The following TIMELESS variants were observed in gnomAD, a reference collection of about 807,000 sequenced individuals.
TIMELESS encodes the protein timeless circadian regulator, also known as protein timeless homolog.
A neutral mutation model predicts 164.3 loss-of-function variants in TIMELESS; 124 were observed. The observed-to-expected ratio is 0.75, with a 90% CI of 0.65 to 0.88. The LOEUF (loss-of-function observed/expected upper bound fraction) is 0.88, where lower values mean the gene tolerates loss of function less well. Among genes scored for constraint, TIMELESS ranks in the 40% least tolerant of loss-of-function variants. The pLI is 0.00. For synonymous variants in TIMELESS, 564 were observed against 563.4 expected, an observed-to-expected ratio of 1.00 and a Z score of -0.02; for missense variants, 1,422 against 1,491.4, an observed-to-expected ratio of 0.95 and a Z score of 0.77.
chr12:56,432,320 A>C (rs1224515650), intron 7 of TIMELESS, 49 bp downstream of exon 7: 2 of 1,572,304 alleles, frequency 1.3e-6, no homozygotes, highest in East Asian at 4.6e-5. Context: ...GCTGTACAGC[A>C]GAAAAGTACA....
intron 1 of TIMELESS, among the ~76,000 whole-genome samples, chr12:56,447,492 A>G (rs1868377247): frequency 6.6e-6 from 1 of 152,304 alleles, no homozygotes; most frequent in South Asian, 2.1e-4. Context: ...AGGCATCAGG[A>G]TGTAAGATGG....
chr12:56,420,186 A>G (rs1592242961), intron 26 of TIMELESS, among the ~76,000 whole-genome samples: 1 of 151,388 alleles, frequency 6.6e-6, no homozygotes, highest in African/African-American at 2.4e-5. Flanking sequence ...ATGACGAAGT[A>G]TACAGGTTGT....
intron 1 of TIMELESS, among the ~76,000 whole-genome samples, chr12:56,446,728 A>G (rs1868355732): frequency 6.6e-6 from 1 of 150,590 alleles, no homozygotes; most frequent in Admixed American, 6.6e-5. Flanking sequence ...GCTACTTGGG[A>G]GGCTGAGCCA....
intron 26 of TIMELESS, among the ~76,000 whole-genome samples, chr12:56,420,285 C>T (rs949205712): frequency 1.3e-5 from 2 of 151,620 alleles, no homozygotes; most frequent in South Asian, 2.1e-4. Context: ...GAACCAATCC[C>T]CTCTCAGACA....
Position 56,420,544 on chromosome 12 carries a change from T to C in TIMELESS, c.3228+25A>G, listed in dbSNP as rs916770722. ...TGGAAATAGGACTAACACGCCTTGG[T>C]TGACACTGTAACTGACATATTTACC... On this transcript the variant is annotated intron_variant, in intron 26 of 28. Transcript: ENST00000553532. 12 of 1,600,704 alleles carry C rather than the reference T, an allele frequency of 7.5e-6. No individual in the cohort carries two copies. The African/African-American group carries it at 8.0e-5, about 11-fold the overall frequency.
chr12:56,441,093 C>A (rs553873420), intron 1 of TIMELESS, among the ~76,000 whole-genome samples: 2 of 152,146 alleles, frequency 1.3e-5, no homozygotes, highest in Non-Finnish European at 2.9e-5. Context: ...GCTGGGATTA[C>A]GGGCATGAGC....
At chr12:56,420,747 C>A in intron 25 of TIMELESS, 60 bp from the exon 26 acceptor site, 4 of 1,613,014 alleles carry the variant, frequency 2.5e-6, no homozygotes, top group Non-Finnish European at 3.4e-6. Context: ...TTCTCCATCC[C>A]ATGACCAGGT....
chr12:56,424,218 G>A (rs546598122), intron 15 of TIMELESS, among the ~76,000 whole-genome samples: 1 of 152,260 alleles, frequency 6.6e-6, no homozygotes, highest in South Asian at 2.1e-4. Context: ...AATATACTGA[G>A]AAGTGAAAAA....
intron 6 of TIMELESS, 117 bp downstream of exon 6, chr12:56,432,909 C>G (rs1045171899): frequency 4.2e-6 from 3 of 719,078 alleles, no homozygotes; most frequent in Non-Finnish European, 6.8e-6. Context: ...GAGCTGAGAT[C>G]GCACCACTGC....
At chr12:56,429,781 G>T (rs781499779) in intron 10 of TIMELESS, among the ~76,000 whole-genome samples, 1 of 150,698 alleles carries the variant, frequency 6.6e-6, no homozygotes, top group African/African-American at 2.4e-5. Context: ...CTCTCAAAGC[G>T]CTGGGATTAC....
rs1881830545 is a variant in TIMELESS at position 56,430,251 on chromosome 12, G to T, written c.940C>A (p.Gln314Lys). Reference protein sequence around the residue: ...LRNYSSDLGKQPKKVPKRRQA... With the variant: ...LRNYSSDLGKKPKKVPKRRQA... ...CGACGTTTAGGCACCTTTTTCGGCT[G>T]CTTTCCCAAATCTGAACTGTAGTTT... The change falls in exon 10 of 29, where the codon CAG (glutamine) becomes AAG (lysine). Residue 314 changes from glutamine to lysine, a missense_variant. By Grantham distance (53) the Gln-to-Lys change is moderately conservative. Coordinates refer to ENST00000553532, the MANE Select transcript of TIMELESS (RefSeq NM_003920.5). 1.9e-6 allele frequency: 3 copies of T among 1,613,604 alleles called. No homozygotes were observed. Among genetic ancestry groups the T allele is most frequent in the Non-Finnish European group, 2.5e-6 (3 of 1,179,812 alleles).
At position 56,430,176 on chromosome 12, in the gene TIMELESS, T is replaced by A. The variant is rs1231562272; in HGVS notation, c.1015A>T (p.Arg339Trp). Residue 339 changes from arginine (R) to tryptophan (W), a missense_variant, in exon 10 of 29, where the codon AGG becomes TGG. By Grantham distance (101) the Arg-to-Trp change is moderately radical (BLOSUM62 -3). Transcript: ENST00000553532. The part of the protein sequence containing the change: ...SIQRRSALNV[R>W]LFLRDFCSEF... ...GAGCAGAAGTCTCTGAGGAAGAGCC[T>A]CACATTGAGGGCAGAACGGCGCTGA... The A allele has an allele frequency of 1.2e-6, 2 of 1,613,898 alleles. No individual in the cohort carries two copies. Among genetic ancestry groups the A allele is most frequent in the Non-Finnish European group, 8.5e-7 (1 of 1,180,000 alleles).
chr12:56,422,957 T>A lies in TIMELESS; in HGVS notation c.2328A>T (p.Lys776Asn). 1.2e-6 allele frequency: 2 copies of A among 1,613,786 alleles called. No individual in the cohort carries two copies. The highest frequency in any genetic ancestry group is 2.2e-5 in the South Asian group (2 of 91,034). Reference protein sequence around the residue: ...LVTFAKYILGKFFALAAVNQK... With the variant: ...LVTFAKYILGNFFALAAVNQK... ...GGTTGACTGCAGCCAGTGCAAAAAA[T>A]TTGCCCAGGATGTATTTGGCAAAAG... Residue 776 changes from lysine to asparagine, a missense_variant, in exon 19 of 29, where the codon AAA (lysine) becomes AAT (asparagine). Lys to Asn is a moderately conservative substitution (Grantham distance 94). Coordinates refer to ENST00000553532, the MANE Select transcript of TIMELESS (RefSeq NM_003920.5).
intron 1 of TIMELESS, among the ~76,000 whole-genome samples, chr12:56,441,924 C>T (rs1424517625): frequency 1.3e-5 from 2 of 151,686 alleles, no homozygotes; most frequent in Middle Eastern, 3.4e-3. Context: ...TCTACTAAAA[C>T]TAACAAAAAA....
At chr12:56,449,230 A>G (rs1440574264) in intron 1 of TIMELESS, 80 bp downstream of exon 1, 1 of 152,374 alleles carries the variant, frequency 6.6e-6, no homozygotes, top group Non-Finnish European at 1.5e-5. Flanking sequence ...AAAGGGACTC[A>G]GCGTTTCCCG....
chr12:56,417,780 T>G lies in TIMELESS; in HGVS notation c.3563A>C (p.Glu1188Ala). The G allele has an allele frequency of 6.2e-7, 1 of 1,614,096 alleles. No homozygotes were observed. Among genetic ancestry groups the G allele is most frequent in the Non-Finnish European group, 8.5e-7 (1 of 1,180,006 alleles). The change falls in exon 29 of 29, where the codon GAG becomes GCG. Residue 1188 changes from glutamate to alanine, a missense_variant. By Grantham distance (107) the Glu-to-Ala change is moderately radical (BLOSUM62 -1). Transcript: ENST00000553532. ...CTTTTGGATTCCTGGAGCTCCCAAC[T>G]CTGGTGCTGTGGGAACGATGGGGGT... is the stretch of plus-strand genomic sequence containing the variant. ...EEDEGRNRAP[E>A]LGAPGIQKKK...
At chr12:56,422,811 C>T (rs1881538320) in intron 19 of TIMELESS, 36 bp downstream of exon 19, 1 of 1,457,402 alleles carries the variant, frequency 6.9e-7, no homozygotes, top group Non-Finnish European at 9.4e-7. Flanking sequence ...CAAACTTCCC[C>T]TACCCCCACC....
At chr12:56,436,237 T>C (rs1882067010) in intron 1 of TIMELESS, among the ~76,000 whole-genome samples, 1 of 152,070 alleles carries the variant, frequency 6.6e-6, no homozygotes, top group Non-Finnish European at 1.5e-5. Context: ...GTGGATCACC[T>C]TAGGTCAGGA....
rs1355882227 is a variant in TIMELESS at position 56,418,442 on chromosome 12, A to G, written c.3229-83T>C. The G allele has an allele frequency of 3.1e-6, 3 of 967,616 alleles. No individual in the cohort carries two copies. The African/African-American group carries it at 4.9e-5, about 16-fold the overall frequency. 59.9% of individuals were successfully genotyped at this position (967,616 alleles called of 1,614,324 possible). On this transcript the variant is annotated intron_variant, in intron 26 of 28. Transcript: ENST00000553532. ...GATATTCATTGAATATATATGACCC[A>G]ATATTGGTGAAGATCCACAAGGGTT...
Sources: allele counts gnomAD v4.1 joint callset (sites outside exome capture counted in the v4.1 genomes callset), GRCh38; gene constraint gnomAD v4.1.1; transcripts MANE v1.5; gene names NCBI Gene and HGNC (gene_info 2026-07-23, HGNC 2026-07-21).